CFAP99: variants seen among roughly 807,000 people sequenced by gnomAD.
The protein encoded by CFAP99 is cilia and flagella associated protein 99.
Under a neutral mutation model 82.7 loss-of-function variants are expected in CFAP99, and 84 were observed. The ratio of observed to expected loss-of-function variants is 1.02; its 90% CI spans 0.85 to 1.22. The LOEUF (loss-of-function observed/expected upper bound fraction) is 1.22. CFAP99 is among the 50% of genes most tolerant of loss of function. The pLI is 0.00. For synonymous variants in CFAP99, 456 were observed against 429.5 expected, an observed-to-expected ratio of 1.06 and a Z score of -0.76; for missense variants, 1,059 against 983.5, an observed-to-expected ratio of 1.08 and a Z score of -1.03.
At chr4:2,442,123 C>T (rs1401353967) in intron 4 of CFAP99, among the ~76,000 whole-genome samples, 1 of 152,140 alleles carries the variant, frequency 6.6e-6, no homozygotes. Flanking sequence ...TGGGAGCACC[C>T]CAGCTGAGAC....
At chr4:2,427,968 G>C (rs191027450) in intron 2 of CFAP99, 1 of 152,302 alleles carries the variant, frequency 6.6e-6, no homozygotes, top group Non-Finnish European at 1.5e-5. Context: ...GAGGGGAGCA[G>C]GGCCTGTGTG....
chr4:2,459,171 GCAGCGGCGCCGTTGTGAACTCATCTCC>G (rs1734513587), exon 13 of CFAP99: 4 of 1,535,608 alleles, frequency 2.6e-6, no homozygotes, highest in Middle Eastern at 1.7e-4. Context: ...CCCAGGAGGA[GCAGCGGCGCCGTTGTGAACTCATCTCC>G]CAGCTGCGCG....
At chr4:2,451,722 G>A (rs1734306510) in intron 10 of CFAP99, among the ~76,000 whole-genome samples, 1 of 76,812 alleles carries the variant, frequency 1.3e-5, no homozygotes, top group South Asian at 4.1e-4. Context: ...GTCTTTCCTT[G>A]TCTGCAAGTC....
intron 1 of CFAP99, among the ~76,000 whole-genome samples, chr4:2,424,178 G>T (rs1163817537): frequency 6.6e-6 from 1 of 152,230 alleles, no homozygotes; most frequent in East Asian, 1.9e-4. Context: ...CAGCACTTTG[G>T]GAGGCTGAGG....
chr4:2,458,193 CTGAGA>C (rs1315628088), intron 11 of CFAP99, among the ~76,000 whole-genome samples: 2 of 152,246 alleles, frequency 1.3e-5, no homozygotes, highest in Non-Finnish European at 2.9e-5. Context: ...GTCTGGTTGA[CTGAGA>C]CGGGAATCTT....
At chr4:2,423,281 C>T (rs962420071) in intron 1 of CFAP99, among the ~76,000 whole-genome samples, 10 of 152,270 alleles carry the variant, frequency 6.6e-5, no homozygotes, top group African/African-American at 9.6e-5. Flanking sequence ...CACACCGCAC[C>T]GCACCCCTGC....
rs912690112 is a variant in CFAP99, at chr4:2,462,521, G to T, written c.1740G>T (p.Arg580Ser). The change falls in exon 15 of 15, where the codon AGG becomes AGT. Residue 580 changes from arginine to serine, a missense_variant. Transcript: ENST00000635017. The surrounding 1 kb of genome is among the most constrained non-coding windows in gnomAD (Gnocchi z 4.1). ...AGCGCGTGCAGCAGCTGCGGCGCAG[G>T]ATCTCGGAGAGGGCGGCCGAGCGCA... 1.4e-6 allele frequency: 2 copies of T among 1,475,192 alleles called. No homozygotes were observed. The highest frequency in any genetic ancestry group is 1.8e-6 in the Non-Finnish European group (2 of 1,121,678). 91.4% of individuals were successfully genotyped at this position (1,475,192 alleles called of 1,614,324 possible). A position where few individuals can be genotyped will look rare whatever the true frequency, so the allele number is the denominator to read the frequency against.
At chr4:2,450,564 A>G (rs1176397983) in intron 8 of CFAP99, among the ~76,000 whole-genome samples, 1 of 152,132 alleles carries the variant, frequency 6.6e-6, no homozygotes, top group Non-Finnish European at 1.5e-5. Context: ...ATGTGTTGGC[A>G]AAGCAGCTGG....
At chr4:2,426,887 C>T in intron 2 of CFAP99, 1 of 326,110 alleles carries the variant, frequency 3.1e-6, no homozygotes, top group Non-Finnish European at 5.9e-6. Context: ...CGCCCCCATG[C>T]CCCACCCCCA....
At chr4:2,445,411 G>T in intron 6 of CFAP99, 103 bp downstream of exon 6, 5 of 1,046,716 alleles carry the variant, frequency 4.8e-6, no homozygotes, top group African/African-American at 3.3e-5. Context: ...CTCCCCCCAG[G>T]GCTGAGGGTG....
At chr4:2,453,872 G>A (rs1341845546) in intron 11 of CFAP99, among the ~76,000 whole-genome samples, 4 of 151,096 alleles carry the variant, frequency 2.6e-5, no homozygotes, top group Non-Finnish European at 5.9e-5. Flanking sequence ...GGAGTGCGGT[G>A]GTGTGATCTC....
chr4:2,445,331 G>A lies in CFAP99; in HGVS notation c.642+23G>A. On this transcript the variant is annotated intron_variant, in intron 6 of 14. Transcript: ENST00000635017. ...CCCGTGAGTGTGGGCATTCTCAGCA[G>A]GCACTGGCTTGCAGGCATCAGGGTA... The A allele has an allele frequency of 2.3e-6, 3 of 1,317,084 alleles. No individual in the cohort carries two copies. In the South Asian group the frequency reaches 6.7e-5, roughly 30 times the overall value. The allele number at this position is 1,317,084 out of a possible 1,614,324, so 81.6% of individuals were successfully genotyped here. A position where few individuals can be genotyped will look rare whatever the true frequency, so the allele number is the denominator to read the frequency against.
At chr4:2,450,297 T>C (rs753540347) in intron 8 of CFAP99, 13 of 464,144 alleles carry the variant, frequency 2.8e-5, no homozygotes, top group Non-Finnish European at 4.3e-5. Context: ...AAGCATTTCA[T>C]GTCTCTGTAA....
At chr4:2,421,670 T>C (rs1053409081) in intron 1 of CFAP99, among the ~76,000 whole-genome samples, 7 of 152,168 alleles carry the variant, frequency 4.6e-5, no homozygotes, top group African/African-American at 1.7e-4. Context: ...ACCTTTAAAG[T>C]TGCCTTAAAT....
chr4:2,419,177 T>C (rs1283270549), intron 1 of CFAP99, 84 bp downstream of exon 1: 1 of 151,900 alleles, frequency 6.6e-6, no homozygotes. Flanking sequence ...GCTGCTCATC[T>C]TGCTTCTCCC....
At chr4:2,452,551 C>A (rs1734330564) in intron 11 of CFAP99, among the ~76,000 whole-genome samples, 1 of 152,172 alleles carries the variant, frequency 6.6e-6, no homozygotes, top group Non-Finnish European at 1.5e-5. Flanking sequence ...CCGAGAGTGC[C>A]TGCTCCTTCC....
At chr4:2,423,244 G>A (rs374841485) in intron 1 of CFAP99, among the ~76,000 whole-genome samples, 13 of 152,332 alleles carry the variant, frequency 8.5e-5, no homozygotes, top group African/African-American at 2.6e-4. Flanking sequence ...CTACCCACCA[G>A]GGTTGGCCAC....
At chr4:2,419,310 C>T (rs953301972) in intron 1 of CFAP99, among the ~76,000 whole-genome samples, 3 of 152,088 alleles carry the variant, frequency 2.0e-5, no homozygotes, top group Non-Finnish European at 4.4e-5. Flanking sequence ...CTCGCTACTC[C>T]CCCCAGTGGT....
exon 12 of CFAP99, chr4:2,458,845 G>C (rs1560390596): frequency 6.5e-7 from 1 of 1,535,484 alleles, no homozygotes; most frequent in East Asian, 2.4e-5. Flanking sequence ...CGAAGCTCGC[G>C]AAGGGCCGAC....
Sources: allele counts gnomAD v4.1 joint callset (sites outside exome capture counted in the v4.1 genomes callset), GRCh38; gene constraint gnomAD v4.1.1; non-coding constraint Gnocchi (gnomAD v3.1); transcripts MANE v1.5; gene names NCBI Gene and HGNC (gene_info 2026-07-23, HGNC 2026-07-21).